GSTP1: variants seen among roughly 807,000 people sequenced by gnomAD.
GSTP1 encodes the protein glutathione S-transferase P.
In GSTP1, 28 loss-of-function variants were observed where a neutral mutation model predicts 29.4. That is an observed-to-expected ratio of 0.95 (90% CI 0.71 to 1.30). The LOEUF (loss-of-function observed/expected upper bound fraction) is 1.30. GSTP1 is among the 50% of genes most tolerant of loss of function. The pLI is 0.00. For missense variants in GSTP1, 267 were observed against 266.1 expected, an observed-to-expected ratio of 1.00 and a Z score of -0.02; for synonymous variants, 122 against 117.0, an observed-to-expected ratio of 1.04 and a Z score of -0.28.
chr11:67,583,937 C>G (rs909398540), intron 1 of GSTP1, 93 bp downstream of exon 1: 8 of 674,998 alleles, frequency 1.2e-5, no homozygotes, highest in Middle Eastern at 3.9e-4. Flanking sequence ...CCCGGCAGGG[C>G]TCCTCGCCCA....
At position 67,586,588 on chromosome 11, in the gene GSTP1, G is replaced by A. The variant is rs1188508363; in HGVS notation, c.*11G>A. On this transcript the variant is annotated 3_prime_UTR_variant, in exon 7 of 7. Transcript: ENST00000398606. ...AACGGGAAACAGTGAGGGTTGGGGG[G>A]ACTCTGAGCGGGAGGCAGAGTTTGC... 3 of 1,601,812 alleles carry A rather than the reference G, an allele frequency of 1.9e-6. No homozygotes were observed. The highest frequency in any genetic ancestry group is 1.3e-5 in the African/African-American group (1 of 74,432).
Position 67,586,013 on chromosome 11 carries a change from C to G in GSTP1, c.337-91C>G. 4.5e-6 allele frequency: 4 copies of G among 891,176 alleles called. No individual in the cohort carries two copies. In the South Asian group the frequency reaches 6.0e-5, roughly 13 times the overall value. The allele number at this position is 891,176 out of a possible 1,614,324, so 55.2% of individuals were successfully genotyped here. ...TTGTGGGGAGCAAGCAGAGGAGAAT[C>G]TGGGACTCTGGTGTCTGGCCTGGGG... On this transcript the variant is annotated intron_variant, in intron 5 of 6. Coordinates refer to ENST00000398606, the MANE Select transcript of GSTP1 (RefSeq NM_000852.4).
chr11:67,584,196 G>C (rs750754419), intron 2 of GSTP1, 27 bp downstream of exon 2: 1 of 1,590,628 alleles, frequency 6.3e-7, no homozygotes, highest in South Asian at 1.1e-5. Flanking sequence ...GGCAGGGAAG[G>C]GAGGCAGGGG....
rs764284088 is a variant in GSTP1, at chr11:67,586,377, C to G, written c.445-12C>G. The G allele has an allele frequency of 7.5e-6, 12 of 1,607,556 alleles. No homozygotes were observed. The Admixed American group carries it at 1.2e-4, about 16-fold the overall frequency. ...TCCCGCTGGCTGAGTCCCTGGCCCCCCTGCCCTGCAGATCTCCTTCGCTGA... is the reference window on the plus strand; with the variant it reads ...TCCCGCTGGCTGAGTCCCTGGCCCCGCTGCCCTGCAGATCTCCTTCGCTGA... On this transcript the variant is annotated splice_polypyrimidine_tract_variant and intron_variant, in intron 6 of 6. Coordinates refer to ENST00000398606, the MANE Select transcript of GSTP1 (RefSeq NM_000852.4).
rs953023417 is a variant in GSTP1, at chr11:67,584,735, G to A, written c.195G>A (p.Gln65=). 1 of 1,613,600 alleles carries A rather than the reference G, an allele frequency of 6.2e-7. No homozygotes were observed. Among genetic ancestry groups the A allele is most frequent in the Non-Finnish European group, 8.5e-7 (1 of 1,179,916 alleles). Residue 65 remains glutamine, a synonymous_variant, in exon 4 of 7, where the codon CAG becomes CAA. Coordinates refer to ENST00000398606, the MANE Select transcript of GSTP1 (RefSeq NM_000852.4). ...KFQDGDLTLY[Q]SNTILRHLGR... ...AGGACGGAGACCTCACCCTGTACCA[G>A]TCCAATACCATCCTGCGTCACCTGG...
chr11:67,586,347 C>A, intron 6 of GSTP1, 42 bp from the exon 7 acceptor site: 1 of 1,588,082 alleles, frequency 6.3e-7, no homozygotes. Flanking sequence ...ATTCCTCCAG[C>A]CTGCTCCCGC....
rs779834912 is a variant in GSTP1 at position 67,586,542 on chromosome 11, G to C, written c.598G>C (p.Val200Leu). 2 of 1,613,832 alleles carry C rather than the reference G, an allele frequency of 1.2e-6. No homozygotes were observed. The highest frequency in any genetic ancestry group is 2.7e-5 in the African/African-American group (2 of 75,046). ...GGCCTTCCTGGCCTCCCCTGAGTAC[G>C]TGAACCTCCCCATCAATGGCAACGG... is the stretch of plus-strand genomic sequence containing the variant. ...LKAFLASPEY[V>L]NLPINGNGKQ is the part of the protein sequence containing the mutation. The change falls in exon 7 of 7, where the codon GTG becomes CTG. Residue 200 changes from valine (V) to leucine (L), a missense_variant. Coordinates refer to ENST00000398606, the MANE Select transcript of GSTP1 (RefSeq NM_000852.4).
intron 4 of GSTP1, 56 bp downstream of exon 4, chr11:67,584,828 G>C: frequency 7.7e-7 from 1 of 1,306,072 alleles, no homozygotes. Context: ...TGCCCCCGGA[G>C]CCCTTTTGTT....
At chr11:67,585,779 A>G (rs575491440) in intron 5 of GSTP1, among the ~76,000 whole-genome samples, 1 of 151,964 alleles carries the variant, frequency 6.6e-6, no homozygotes, top group Admixed American at 6.6e-5. Context: ...CCTTGAACCC[A>G]CTGGTTTGGA....
intron 6 of GSTP1, 32 bp from the exon 7 acceptor site, chr11:67,586,357 C>T (rs1467289450): frequency 1.3e-6 from 2 of 1,597,244 alleles, no homozygotes; most frequent in African/African-American, 2.7e-5. Context: ...CCTGCTCCCG[C>T]TGGCTGAGTC....
chr11:67,584,901 T>TG (rs1331570410), intron 4 of GSTP1, 129 bp downstream of exon 4: 8 of 776,508 alleles, frequency 1.0e-5, no homozygotes, highest in Non-Finnish European at 1.7e-5. Flanking sequence ...GGTTACGTAG[T>TG]TTGCCCAAGG....
chr11:67,584,352 C>G (rs1375913537), intron 2 of GSTP1, 112 bp from the exon 3 acceptor site: 2 of 727,846 alleles, frequency 2.7e-6, no homozygotes, highest in African/African-American at 3.6e-5. Context: ...TGTGTGAAAT[C>G]TTCGGAGGAA....
At position 67,585,354 on chromosome 11, in the gene GSTP1, G is replaced by C. The variant is rs529019471; in HGVS notation, c.336+113G>C. On this transcript the variant is annotated intron_variant, in intron 5 of 6. Coordinates refer to ENST00000398606, the MANE Select transcript of GSTP1 (RefSeq NM_000852.4). ...TTGGGCTGACCCCTTCTTGGGTCAG[G>C]GTGCAGGGGCTGGGTCAGCTCTGGG... 59 of 700,594 alleles carry C rather than the reference G, an allele frequency of 8.4e-5. No homozygotes were observed. In the African/African-American group the frequency reaches 9.6e-4, roughly 11 times the overall value. 43.4% of individuals were successfully genotyped at this position (700,594 alleles called of 1,614,324 possible). A position where few individuals can be genotyped will look rare whatever the true frequency, so the allele number is the denominator to read the frequency against.
Position 67,584,151 on chromosome 11 carries a change from G to T in GSTP1, c.19G>T (p.Val7Phe), listed in dbSNP as rs1197989614. 6.2e-7 allele frequency: 1 copy of T among 1,613,342 alleles called. No homozygotes were observed. The highest frequency in any genetic ancestry group is 8.5e-7 in the Non-Finnish European group (1 of 1,179,354). ...CGCTGCAGTGCCGCCCTACACCGTG[G>T]TCTATTTCCCAGTTCGAGGTAGGAG... Reference protein sequence around the residue: MPPYTVVYFPVRGRCAA... With the variant: MPPYTVFYFPVRGRCAA... Residue 7 changes from valine (V) to phenylalanine (F), a missense_variant, in exon 2 of 7, where the codon GTC (valine) becomes TTC (phenylalanine). By Grantham distance (50) the Val-to-Phe change is conservative. Transcript: ENST00000398606.
chr11:67,586,452 T>A lies in GSTP1; in HGVS notation c.508T>A (p.Cys170Ser). Residue 170 changes from cysteine (C) to serine (S), a missense_variant, in exon 7 of 7, where the codon TGC becomes AGC. Physicochemically the swap from Cys to Ser is moderately radical, Grantham distance 112 (BLOSUM62 -1). Coordinates refer to ENST00000398606, the MANE Select transcript of GSTP1 (RefSeq NM_000852.4). ...LLIHEVLAPG[C>S]LDAFPLLSAY... is the part of the protein sequence containing the mutation. ...GATCCATGAGGTCCTAGCCCCTGGCTGCCTGGATGCGTTCCCCCTGCTCTC... is the reference window on the plus strand; with the variant it reads ...GATCCATGAGGTCCTAGCCCCTGGCAGCCTGGATGCGTTCCCCCTGCTCTC... 1 of 1,614,218 alleles carries A rather than the reference T, an allele frequency of 6.2e-7. No homozygotes were observed. The highest frequency in any genetic ancestry group is 8.5e-7 in the Non-Finnish European group (1 of 1,180,028).
chr11:67,584,209 G>A, intron 2 of GSTP1, 40 bp downstream of exon 2: 1 of 1,535,488 alleles, frequency 6.5e-7, no homozygotes, highest in Non-Finnish European at 9.0e-7. Flanking sequence ...GGCAGGGGCT[G>A]GGGCTGCAGC....
intron 4 of GSTP1, 152 bp downstream of exon 4, chr11:67,584,924 G>A: frequency 1.5e-6 from 1 of 685,864 alleles, no homozygotes; most frequent in South Asian, 1.8e-5. Context: ...AAGCCTGGGT[G>A]CCTGCAATCC....
intron 1 of GSTP1, 76 bp from the exon 2 acceptor site, chr11:67,584,058 A>G (rs1242271305): frequency 4.4e-5 from 52 of 1,173,284 alleles, no homozygotes; most frequent in East Asian, 1.8e-4. Flanking sequence ...GGGGGCGGGG[A>G]GGGGGGGCAG....
At position 67,584,896 on chromosome 11, in the gene GSTP1, C is replaced by T. The variant is rs941295776; in HGVS notation, c.232+124C>T. 1.8e-5 allele frequency: 14 copies of T among 789,278 alleles called. No homozygotes were observed. The Admixed American group carries it at 2.2e-4, about 13-fold the overall frequency. The allele number at this position is 789,278 out of a possible 1,614,324, so 48.9% of individuals were successfully genotyped here. A position where few individuals can be genotyped will look rare whatever the true frequency, so the allele number is the denominator to read the frequency against. ...AGGAAACTGAGACCCACTGAGGTTA[C>T]GTAGTTTGCCCAAGGTCAAGCCTGG... On this transcript the variant is annotated intron_variant, in intron 4 of 6. Transcript: ENST00000398606.
Sources: allele counts gnomAD v4.1 joint callset (sites outside exome capture counted in the v4.1 genomes callset), GRCh38; gene constraint gnomAD v4.1.1; transcripts MANE v1.5; gene names NCBI Gene and HGNC (gene_info 2026-07-23, HGNC 2026-07-21).